The following MYO5B variants were observed in gnomAD, a reference collection of about 807,000 sequenced individuals.
The protein encoded by MYO5B is myosin VB.
In MYO5B, 143 loss-of-function variants were observed where a neutral mutation model predicts 229.3. That is an observed-to-expected ratio of 0.62 (90% CI 0.54 to 0.72). The LOEUF (loss-of-function observed/expected upper bound fraction) is 0.72, where lower values mean the gene tolerates loss of function less well. Ranked by LOEUF, MYO5B falls within the 30% of genes least tolerant of loss-of-function variation. MYO5B has a pLI of 0.00. For missense variants in MYO5B, 2,321 were observed against 2,331.0 expected (o/e 1.00, Z 0.09); for synonymous variants, 918 against 885.2 (o/e 1.04, Z -0.66).
chr18:50,092,208 T>C (rs1366480455), intron 1 of MYO5B, among the ~76,000 whole-genome samples: 1 of 151,992 alleles, frequency 6.6e-6, no homozygotes, highest in Non-Finnish European at 1.5e-5. Flanking sequence ...GGCTCAAAGA[T>C]GGGAAGAAAA....
At chr18:49,864,029 A>ACTCTG in intron 28 of MYO5B, 112 bp downstream of exon 28, 4 of 1,511,910 alleles carry the variant, frequency 2.6e-6, no homozygotes, top group South Asian at 2.3e-5. Flanking sequence ...ACAGCGAGAG[A>ACTCTG]CTCTGCTCTT....
chr18:49,906,782 A>G (rs1171428252), intron 18 of MYO5B, 152 bp from the exon 19 acceptor site: 1 of 723,042 alleles, frequency 1.4e-6, no homozygotes, highest in Non-Finnish European at 2.4e-6. Flanking sequence ...CATTTGCTTA[A>G]CAGACCCCAA....
intron 32 of MYO5B, among the ~76,000 whole-genome samples, 199 bp downstream of exon 32, chr18:49,849,368 G>A (rs754607799): frequency 1.3e-5 from 2 of 152,174 alleles, no homozygotes; most frequent in African/African-American, 2.4e-5. Context: ...GAATTCAAGT[G>A]TCTTTTGTCC....
At chr18:50,118,275 G>A (rs1401904583) in intron 1 of MYO5B, among the ~76,000 whole-genome samples, 1 of 152,206 alleles carries the variant, frequency 6.6e-6, no homozygotes, top group Admixed American at 6.5e-5. Context: ...GCAGACCTAT[G>A]GCTGCCGCTG....
At chr18:49,890,295 T>C (rs1787552) in intron 22 of MYO5B, among the ~76,000 whole-genome samples, 88,795 of 152,004 alleles carry the variant, frequency 0.58, 26,049 homozygotes, top group Middle Eastern at 0.66. Flanking sequence ...ATAAAACAGG[T>C]GGCTGCATCC....
chr18:49,990,153 T>C (rs1044727742), intron 7 of MYO5B, among the ~76,000 whole-genome samples: 1 of 152,228 alleles, frequency 6.6e-6, no homozygotes, highest in African/African-American at 2.4e-5. Flanking sequence ...TGCAAACATA[T>C]CTTTCAGAAT....
At chr18:49,899,741 T>C (rs1382673515) in intron 21 of MYO5B, among the ~76,000 whole-genome samples, 2 of 152,174 alleles carry the variant, frequency 1.3e-5, no homozygotes, top group Non-Finnish European at 2.9e-5. Context: ...AGTTAATACG[T>C]GAGAAGAGCA....
rs267605198 is a variant in MYO5B, at chr18:50,040,279, C to T, written c.174G>A (p.Gln58=). The T allele has an allele frequency of 1.2e-6, 2 of 1,614,072 alleles. No homozygotes were observed. The highest frequency in any genetic ancestry group is 4.5e-5 in the East Asian group (2 of 44,876). ...TATCTGGATTCCGTAAGAAGGGCAG[C>T]TGGTTGCGTTGTACATCAATTGGGT... ...LEYPIDVQRN[Q]LPFLRNPDIL... is the part of the protein sequence containing the mutation. The change falls in exon 3 of 40, where the codon CAG becomes CAA. Residue 58 remains glutamine, a synonymous_variant. Coordinates refer to ENST00000285039, the MANE Select transcript of MYO5B (RefSeq NM_001080467.3).
intron 9 of MYO5B, among the ~76,000 whole-genome samples, chr18:49,977,458 T>C (rs914699089): frequency 6.6e-6 from 1 of 152,112 alleles, no homozygotes; most frequent in East Asian, 1.9e-4. Context: ...CTCCATCCTA[T>C]GTGCCCGAGG....
At chr18:49,916,404 C>T (rs1323465653) in intron 17 of MYO5B, among the ~76,000 whole-genome samples, 4 of 152,168 alleles carry the variant, frequency 2.6e-5, no homozygotes, top group Admixed American at 2.6e-4. Context: ...GCCGCCCCTC[C>T]GCTACCTGTA....
intron 30 of MYO5B, among the ~76,000 whole-genome samples, chr18:49,856,212 T>C (rs2024260442): frequency 6.6e-6 from 1 of 152,232 alleles, no homozygotes; most frequent in Admixed American, 6.5e-5. Flanking sequence ...AGCAATTTCC[T>C]TAAACCCTCC....
intron 1 of MYO5B, among the ~76,000 whole-genome samples, chr18:50,058,025 A>T (rs918030093): frequency 6.6e-6 from 1 of 152,248 alleles, no homozygotes; most frequent in Non-Finnish European, 1.5e-5. Flanking sequence ...GAATGGTTGA[A>T]AAAAGCTCAG....
At chr18:50,140,901 T>C (rs879498170) in intron 1 of MYO5B, among the ~76,000 whole-genome samples, 3 of 152,164 alleles carry the variant, frequency 2.0e-5, no homozygotes, top group South Asian at 4.1e-4. Context: ...AAGAGATGCA[T>C]AGGACAGAGA....
chr18:49,927,158 T>A (rs528114000), intron 17 of MYO5B, among the ~76,000 whole-genome samples: 1 of 152,258 alleles, frequency 6.6e-6, no homozygotes, highest in African/African-American at 2.4e-5. Context: ...GCTAAGATGG[T>A]AACCAAGGAG....
chr18:50,129,951 A>G (rs573136983), intron 1 of MYO5B, among the ~76,000 whole-genome samples: 51 of 152,228 alleles, frequency 3.4e-4, no homozygotes, highest in Admixed American at 2.9e-3. Context: ...TTTTTTCCCA[A>G]TGACCACCGC....
chr18:49,931,748 G>A (rs748024666), intron 16 of MYO5B, among the ~76,000 whole-genome samples: 17 of 152,242 alleles, frequency 1.1e-4, no homozygotes, highest in Admixed American at 2.6e-4. Context: ...AGAAGCCTTC[G>A]GGCTGCGGGC....
intron 1 of MYO5B, among the ~76,000 whole-genome samples, chr18:50,081,209 T>G (rs2031212167): frequency 6.6e-6 from 1 of 152,112 alleles, no homozygotes; most frequent in Admixed American, 6.5e-5. Context: ...CCTTCTGTTG[T>G]GGCCAGCAGC....
intron 5 of MYO5B, among the ~76,000 whole-genome samples, chr18:49,998,481 G>A (rs1276607212): frequency 1.3e-5 from 2 of 152,164 alleles, no homozygotes; most frequent in Non-Finnish European, 2.9e-5. Flanking sequence ...CGTTCCCACA[G>A]CCTAGCGGCC....
chr18:49,846,056 G>A (rs2024122102), intron 33 of MYO5B, among the ~76,000 whole-genome samples: 1 of 152,216 alleles, frequency 6.6e-6, no homozygotes, highest in South Asian at 2.1e-4. Flanking sequence ...GGTTCTCACA[G>A]CTGCCTGGTG....
Sources: allele counts gnomAD v4.1 joint callset (sites outside exome capture counted in the v4.1 genomes callset), GRCh38; gene constraint gnomAD v4.1.1; transcripts MANE v1.5; gene names NCBI Gene and HGNC (gene_info 2026-07-23, HGNC 2026-07-21).